BLTP3B: variants seen among roughly 807,000 people sequenced by gnomAD.
The protein encoded by BLTP3B is bridge-like lipid transfer protein family member 3B, also known as UHRF1 (ICBP90) binding protein 1-like.
the BLTP3B span, among the ~76,000 whole-genome samples, chr12:100,039,325 T>C: frequency 2.0e-5 from 3 of 152,146 alleles, no homozygotes; most frequent in East Asian, 5.8e-4. Flanking sequence ...TTATATAGTA[T>C]GTACACTTGA....
At chr12:100,132,081 C>T in the BLTP3B span, among the ~76,000 whole-genome samples, 9 of 152,140 alleles carry the variant, frequency 5.9e-5, no homozygotes, top group African/African-American at 1.2e-4. Flanking sequence ...CGTGAACCAC[C>T]GTGCCCAGCC....
the BLTP3B span, among the ~76,000 whole-genome samples, chr12:100,132,428 G>C: frequency 6.6e-6 from 1 of 152,108 alleles, no homozygotes; most frequent in Non-Finnish European, 1.5e-5. Context: ...TATTGTTCTT[G>C]CAGTAGTAAG....
chr12:100,142,372 C>T, the BLTP3B span, among the ~76,000 whole-genome samples: 1 of 152,188 alleles, frequency 6.6e-6, no homozygotes, highest in East Asian at 1.9e-4. Context: ...CGCGCCCACC[C>T]TGGGAGAAGA....
chr12:100,108,453 T>C, the BLTP3B span: 3 of 1,613,758 alleles, frequency 1.9e-6, no homozygotes, highest in Non-Finnish European at 2.5e-6. Flanking sequence ...CAACATATTC[T>C]GGAGTACTTC....
chr12:100,128,001 A>G, the BLTP3B span, among the ~76,000 whole-genome samples: 1 of 152,158 alleles, frequency 6.6e-6, no homozygotes, highest in Admixed American at 6.6e-5. Context: ...CAACAGAGCA[A>G]CACCTTTTCC....
chr12:100,037,915 A>C, the BLTP3B span, among the ~76,000 whole-genome samples: 1 of 152,180 alleles, frequency 6.6e-6, no homozygotes, highest in Non-Finnish European at 1.5e-5. Context: ...AACATTTGGA[A>C]ACATGTATCA....
chr12:100,139,349 GGTTTTAATCTT>G, the BLTP3B span, among the ~76,000 whole-genome samples: 1 of 152,146 alleles, frequency 6.6e-6, no homozygotes, highest in African/African-American at 2.4e-5. Context: ...AGGCAAAGAT[GGTTTTAATCTT>G]GCAACTGCAC....
At chr12:100,078,976 C>T in the BLTP3B span, among the ~76,000 whole-genome samples, 2 of 152,210 alleles carry the variant, frequency 1.3e-5, no homozygotes, top group Non-Finnish European at 2.9e-5. Context: ...CAAGCTCTCT[C>T]TTTGCCTGCC....
chr12:100,142,551 G>A, the BLTP3B span: 1 of 1,598,840 alleles, frequency 6.3e-7, no homozygotes, highest in Non-Finnish European at 8.5e-7. Context: ...TGCGGGCTGG[G>A]GTGGAGGCCG....
chr12:100,103,799 T>A, the BLTP3B span: 1 of 893,514 alleles, frequency 1.1e-6, no homozygotes, highest in Non-Finnish European at 1.6e-6. Context: ...AAATGAAACC[T>A]AACTGGTGAA....
chr12:100,121,937 T>C, the BLTP3B span, among the ~76,000 whole-genome samples: 1 of 152,042 alleles, frequency 6.6e-6, no homozygotes, highest in Non-Finnish European at 1.5e-5. Context: ...ACATACTATA[T>C]ATATACACAC....
chr12:100,068,159 A>G, the BLTP3B span, among the ~76,000 whole-genome samples: 1 of 152,342 alleles, frequency 6.6e-6, no homozygotes, highest in South Asian at 2.1e-4. Context: ...CACACAGACC[A>G]ATGGAACAGA....
the BLTP3B span, among the ~76,000 whole-genome samples, chr12:100,064,117 C>T: frequency 1.3e-5 from 2 of 152,152 alleles, no homozygotes; most frequent in Non-Finnish European, 2.9e-5. Context: ...AATAAATAGA[C>T]ACACTCATAG....
the BLTP3B span, among the ~76,000 whole-genome samples, chr12:100,134,267 C>T: frequency 1.3e-5 from 2 of 152,146 alleles, no homozygotes; most frequent in Admixed American, 1.3e-4. Context: ...CATGTATAGT[C>T]TAAATTAGAT....
the BLTP3B span, among the ~76,000 whole-genome samples, chr12:100,103,184 T>C: frequency 6.6e-6 from 1 of 152,078 alleles, no homozygotes; most frequent in Non-Finnish European, 1.5e-5. Context: ...GATATATTCA[T>C]TGATGAAATT....
the BLTP3B span, among the ~76,000 whole-genome samples, chr12:100,056,781 A>G: frequency 6.6e-6 from 1 of 151,882 alleles, no homozygotes; most frequent in Non-Finnish European, 1.5e-5. Flanking sequence ...AGGTTTCAGT[A>G]AGCTGAGATC....
At chr12:100,077,117 A>G in the BLTP3B span, among the ~76,000 whole-genome samples, 3 of 152,206 alleles carry the variant, frequency 2.0e-5, no homozygotes, top group Non-Finnish European at 2.9e-5. Flanking sequence ...ATTTCTGCCA[A>G]TGACAGGCCA....
chr12:100,062,021 A>G, the BLTP3B span, among the ~76,000 whole-genome samples: 3 of 152,194 alleles, frequency 2.0e-5, no homozygotes, highest in South Asian at 6.2e-4. Context: ...TCATATTCTT[A>G]TAAGAACCGA....
At chr12:100,097,583 C>A in the BLTP3B span, 3 of 1,424,390 alleles carry the variant, frequency 2.1e-6, no homozygotes, top group Admixed American at 2.4e-5. Context: ...AAAAACAAAG[C>A]AAATGTATAT....
Sources: allele counts gnomAD v4.1 joint callset (sites outside exome capture counted in the v4.1 genomes callset), GRCh38; gene constraint gnomAD v4.1.1; transcripts MANE v1.5; gene names NCBI Gene and HGNC (gene_info 2026-07-23, HGNC 2026-07-21).